The following ZFP2 variants were observed in gnomAD, a reference collection of about 807,000 sequenced individuals.
ZFP2 encodes ZFP2 zinc finger protein, also known as zinc finger protein ZFP2.
A neutral mutation model predicts 36.1 loss-of-function variants in ZFP2; 33 were observed. That is an observed-to-expected ratio of 0.92 (90% CI 0.69 to 1.22). ZFP2 has a LOEUF of 1.22. Among genes scored for constraint, ZFP2 ranks in the 50% most tolerant of loss-of-function variants. ZFP2 has a pLI of 0.00. For missense variants in ZFP2, 522 were observed against 551.4 expected, an observed-to-expected ratio of 0.95 and a Z score of 0.53; for synonymous variants, 170 against 178.0, an observed-to-expected ratio of 0.96 and a Z score of 0.36.
At chr5:178,927,295 T>C (rs1028225273) in intron 4 of ZFP2, among the ~76,000 whole-genome samples, 1 of 152,156 alleles carries the variant, frequency 6.6e-6, no homozygotes, top group Non-Finnish European at 1.5e-5. Context: ...GTGAATAAAT[T>C]ACAGCCTGCT....
At chr5:178,915,478 T>C (rs1428130201) in intron 3 of ZFP2, among the ~76,000 whole-genome samples, 1 of 151,912 alleles carries the variant, frequency 6.6e-6, no homozygotes, top group Non-Finnish European at 1.5e-5. Flanking sequence ...CGTGCCCGGC[T>C]AATTTTTTGC....
chr5:178,908,915 G>A (rs1390985110), intron 1 of ZFP2, among the ~76,000 whole-genome samples: 1 of 152,186 alleles, frequency 6.6e-6, no homozygotes, highest in Non-Finnish European at 1.5e-5. Flanking sequence ...GTCTTGGAAC[G>A]TGTCTGGGGT....
intron 1 of ZFP2, among the ~76,000 whole-genome samples, chr5:178,901,797 GT>G (rs35616825): frequency 4.7e-5 from 7 of 149,048 alleles, no homozygotes; most frequent in East Asian, 2.0e-4. Flanking sequence ...TTTTTGGTTT[GT>G]TTTTTTTTTA....
intron 4 of ZFP2, among the ~76,000 whole-genome samples, chr5:178,925,150 CATATATAT>C (rs1217706133): frequency 0.032 from 2,602 of 81,694 alleles, 107 homozygotes; most frequent in African/African-American, 0.097. Flanking sequence ...CACACACACA[CATATATAT>C]ACACATATAT....
At chr5:178,903,241 T>C (rs1320671961) in intron 1 of ZFP2, among the ~76,000 whole-genome samples, 1 of 152,258 alleles carries the variant, frequency 6.6e-6, no homozygotes, top group Non-Finnish European at 1.5e-5. Flanking sequence ...TTCATCTTTC[T>C]CCGTAGTTTC....
chr5:178,906,521 C>T (rs1273801585), intron 1 of ZFP2, among the ~76,000 whole-genome samples: 1 of 151,956 alleles, frequency 6.6e-6, no homozygotes, highest in East Asian at 1.9e-4. Context: ...TACCATACAG[C>T]TGGATTTTAA....
At chr5:178,911,083 A>G (rs1353472423) in intron 1 of ZFP2, among the ~76,000 whole-genome samples, 1 of 152,186 alleles carries the variant, frequency 6.6e-6, no homozygotes, top group East Asian at 1.9e-4. Flanking sequence ...CTTGGTTAAA[A>G]TGGAAATTCT....
intron 4 of ZFP2, among the ~76,000 whole-genome samples, chr5:178,926,318 T>A (rs931143927): frequency 2.0e-5 from 3 of 152,230 alleles, no homozygotes; most frequent in Admixed American, 6.5e-5. Flanking sequence ...TAATATTTTC[T>A]GTGTATAATT....
rs532322502 is a variant in ZFP2, at chr5:178,922,109, T to G, written c.-78+5399T>G. 192 of 1,146,028 alleles carry G rather than the reference T, an allele frequency of 1.7e-4. 10 individuals carry two copies. In the South Asian group the frequency reaches 2.3e-3, roughly 14 times the overall value. The allele number at this position is 1,146,028 out of a possible 1,614,324, so 71.0% of individuals were successfully genotyped here. A position where few individuals can be genotyped will look rare whatever the true frequency, so the allele number is the denominator to read the frequency against. ...GAGACTACTGTATACCCATCTTTTA[T>G]GCATATTTTCAATTATCCTAAGTGT... is the stretch of plus-strand genomic sequence containing the variant. On this transcript the variant is annotated intron_variant, in intron 4 of 4. Transcript: ENST00000361362.
chr5:178,927,663 ATGTGTG>A (rs33974182), intron 4 of ZFP2, among the ~76,000 whole-genome samples: 3,127 of 92,482 alleles, frequency 0.034, 121 homozygotes, highest in African/African-American at 0.098. Context: ...TACCTGGCCA[ATGTGTG>A]TGTGTGTGTG....
chr5:178,932,665 C>T lies in ZFP2; in HGVS notation c.1352C>T (p.Thr451Ile). The T allele has an allele frequency of 4.3e-6, 7 of 1,610,690 alleles. No individual in the cohort carries two copies. The highest frequency in any genetic ancestry group is 5.9e-6 in the Non-Finnish European group (7 of 1,178,376). ...TGCGGAAAAGCCTTCAGCCGGAGTA[C>T]AAACCTTACACGACATCAAAGAACT... ...NECGKAFSRS[T>I]NLTRHQRTHT Residue 451 changes from threonine to isoleucine, a missense_variant, in exon 5 of 5, where the codon ACA becomes ATA. Thr to Ile is a moderately conservative substitution (Grantham distance 89). Coordinates refer to ENST00000361362, the MANE Select transcript of ZFP2 (RefSeq NM_030613.4).
At chr5:178,919,874 G>A (rs1758517565) in intron 4 of ZFP2, among the ~76,000 whole-genome samples, 1 of 152,022 alleles carries the variant, frequency 6.6e-6, no homozygotes, top group Non-Finnish European at 1.5e-5. Context: ...GGAGGCACGG[G>A]AATCGCTTGA....
chr5:178,912,692 G>C lies in ZFP2; in HGVS notation c.-341G>C. The C allele has an allele frequency of 9.4e-7, 1 of 1,064,188 alleles. No homozygotes were observed. Among genetic ancestry groups the C allele is most frequent in the East Asian group, 7.8e-5 (1 of 12,778 alleles). The allele number at this position is 1,064,188 out of a possible 1,614,324, so 65.9% of individuals were successfully genotyped here. ...GACCGTGTATGGGGAGGTGATGCTG[G>C]AGAACTACAGGAACCCGGTCTCACT... is the stretch of plus-strand genomic sequence containing the variant. On this transcript the variant is annotated 5_prime_UTR_variant, in exon 2 of 5. Coordinates refer to ENST00000361362, the MANE Select transcript of ZFP2 (RefSeq NM_030613.4).
chr5:178,922,795 G>A, intron 4 of ZFP2: 1 of 1,431,158 alleles, frequency 7.0e-7, no homozygotes, highest in Non-Finnish European at 9.5e-7. Flanking sequence ...TCAAAGCCAA[G>A]CAGTTCCATT....
chr5:178,930,899 A>G (rs1758813607), intron 4 of ZFP2, among the ~76,000 whole-genome samples: 1 of 152,272 alleles, frequency 6.6e-6, no homozygotes, highest in Admixed American at 6.5e-5. Context: ...GCTCTTCTGC[A>G]TGTGTTTCCT....
chr5:178,896,359 G>C (rs1757938550), intron 1 of ZFP2, among the ~76,000 whole-genome samples: 1 of 152,228 alleles, frequency 6.6e-6, no homozygotes, highest in Admixed American at 6.5e-5. Context: ...TTCCTCCCTG[G>C]CTTTCCCCAG....
At position 178,931,273 on chromosome 5, in the gene ZFP2, C is replaced by G. The variant is rs111355847; in HGVS notation, c.-41C>G. On this transcript the variant is annotated 5_prime_UTR_variant, in exon 5 of 5. Transcript: ENST00000361362. ...AGACTTGAAACCAAAGAGCCAACTC[C>G]GAAGCCGGGTATTACTGAAGATTTA... 3.9e-6 allele frequency: 6 copies of G among 1,525,778 alleles called. No individual in the cohort carries two copies. Among genetic ancestry groups the G allele is most frequent in the Non-Finnish European group, 3.5e-6 (4 of 1,140,988 alleles). The allele number at this position is 1,525,778 out of a possible 1,614,324, so 94.5% of individuals were successfully genotyped here.
chr5:178,901,819 T>C (rs1322513466), intron 1 of ZFP2, among the ~76,000 whole-genome samples: 2 of 152,032 alleles, frequency 1.3e-5, no homozygotes, highest in Non-Finnish European at 2.9e-5. Context: ...ACTTTTATTA[T>C]GAAATAATTT....
At chr5:178,901,356 T>C (rs1040368384) in intron 1 of ZFP2, among the ~76,000 whole-genome samples, 4 of 152,220 alleles carry the variant, frequency 2.6e-5, no homozygotes, top group Non-Finnish European at 5.9e-5. Flanking sequence ...TGCCACAAAT[T>C]GAGTGGCTCG....
Sources: allele counts gnomAD v4.1 joint callset (sites outside exome capture counted in the v4.1 genomes callset), GRCh38; gene constraint gnomAD v4.1.1; transcripts MANE v1.5; gene names NCBI Gene and HGNC (gene_info 2026-07-23, HGNC 2026-07-21).